LY96: variants seen among roughly 807,000 people sequenced by gnomAD.
LY96 encodes lymphocyte antigen 96.
A neutral mutation model predicts 18.9 loss-of-function variants in LY96; 18 were observed. The ratio of observed to expected loss-of-function variants is 0.95; its 90% confidence interval spans 0.66 to 1.41. LY96 has a LOEUF of 1.41. Ranked by LOEUF, LY96 falls within the 40% of genes most tolerant of loss-of-function variation. LY96 has a pLI of 0.00. For missense variants in LY96, 175 were observed against 182.4 expected, an observed-to-expected ratio of 0.96 and a Z score of 0.23; for synonymous variants, 66 against 62.6, an observed-to-expected ratio of 1.06 and a Z score of -0.26.
At chr8:74,096,030 A>G in the LY96 span, among the ~76,000 whole-genome samples, 2 of 152,184 alleles carry the variant, frequency 1.3e-5, no homozygotes, top group Non-Finnish European at 2.9e-5. Flanking sequence ...TGCCCGAGCC[A>G]ATTGCCTTGG....
the LY96 span, among the ~76,000 whole-genome samples, chr8:74,093,030 G>T: frequency 6.6e-6 from 1 of 152,118 alleles, no homozygotes; most frequent in African/African-American, 2.4e-5. Context: ...GCATTCAAAA[G>T]CTTTCCTGCC....
chr8:74,085,878 T>TTG, the LY96 span, among the ~76,000 whole-genome samples: 59 of 151,672 alleles, frequency 3.9e-4, no homozygotes, highest in East Asian at 3.9e-3. Flanking sequence ...TAGTTACCAT[T>TTG]TGTGTGTGTG....
At chr8:74,037,156 C>T in the LY96 span, among the ~76,000 whole-genome samples, 5 of 152,026 alleles carry the variant, frequency 3.3e-5, no homozygotes, top group African/African-American at 9.7e-5. Flanking sequence ...GGTTATTGGT[C>T]TGGTTTGTCA....
the LY96 span, among the ~76,000 whole-genome samples, chr8:74,089,556 C>T: frequency 4.6e-5 from 7 of 152,190 alleles, no homozygotes; most frequent in African/African-American, 1.7e-4. Context: ...GAAAGATACA[C>T]AGGGAAAGTG....
chr8:74,044,914 A>T, the LY96 span, among the ~76,000 whole-genome samples: 36 of 152,340 alleles, frequency 2.4e-4, no homozygotes, highest in South Asian at 5.4e-3. Context: ...CTTTACTTCG[A>T]AATGGAAAGT....
chr8:74,076,997 A>T, the LY96 span, among the ~76,000 whole-genome samples: 1 of 152,142 alleles, frequency 6.6e-6, no homozygotes, highest in East Asian at 1.9e-4. Flanking sequence ...TGAGTTTGAT[A>T]ATTTGCTACA....
chr8:74,018,535 A>G (rs1469682085), intron 3 of LY96, among the ~76,000 whole-genome samples: 1 of 152,228 alleles, frequency 6.6e-6, no homozygotes, highest in East Asian at 1.9e-4. Context: ...GTTAACAAGG[A>G]TATCCAGGAC....
chr8:74,044,466 G>A, the LY96 span, among the ~76,000 whole-genome samples: 1 of 152,094 alleles, frequency 6.6e-6, no homozygotes, highest in Non-Finnish European at 1.5e-5. Flanking sequence ...TGGGATTATA[G>A]CTGTGAGCCA....
In LY96 at chr8:73,996,373, CTTTCT is replaced by C. The variant is rs1393088025; in HGVS notation, c.112+4822_112+4826del. Reference sequence around the variant, plus strand: ...CCTTCCTTCCTTCCTTCCTTCATTCCTTTCTTTCTTTCTTTCTTTCTTTCTTTCTT... The same window carrying C: ...CCTTCCTTCCTTCCTTCCTTCATTCCTTCTTTCTTTCTTTCTTTCTTTCTT... On this transcript the variant is annotated intron_variant, in intron 1 of 4. Transcript: ENST00000284818. Among the ~76,000 whole-genome samples, 46 of 18,040 alleles carry C rather than the reference CTTTCT, an allele frequency of 2.5e-3. 1 individual carries two copies. Among genetic ancestry groups the C allele is most frequent in the Admixed American group, 8.9e-3 (13 of 1,458 alleles). The allele number at this position is 18,040 out of a possible 152,430, so 11.8% of individuals were successfully genotyped here. A position where few individuals can be genotyped will look rare whatever the true frequency, so the allele number is the denominator to read the frequency against.
chr8:74,020,396 A>G (rs1165751646), intron 3 of LY96, among the ~76,000 whole-genome samples: 1 of 152,246 alleles, frequency 6.6e-6, no homozygotes, highest in Admixed American at 6.5e-5. Context: ...AGAATTACAA[A>G]CCACTGCCCA....
At chr8:74,062,093 GC>G in the LY96 span, among the ~76,000 whole-genome samples, 1 of 152,060 alleles carries the variant, frequency 6.6e-6, no homozygotes, top group Non-Finnish European at 1.5e-5. Flanking sequence ...ATCTCATTTT[GC>G]TTTTAATTTG....
At chr8:74,051,245 G>A in the LY96 span, among the ~76,000 whole-genome samples, 1 of 152,116 alleles carries the variant, frequency 6.6e-6, no homozygotes, top group African/African-American at 2.4e-5. Context: ...GCCTGATCTG[G>A]ATATAACTGC....
the LY96 span, among the ~76,000 whole-genome samples, chr8:74,064,362 G>A: frequency 6.6e-6 from 1 of 152,188 alleles, no homozygotes; most frequent in African/African-American, 2.4e-5. Flanking sequence ...GGGCCTAGTG[G>A]GAGGTGTTCT....
the LY96 span, among the ~76,000 whole-genome samples, chr8:74,069,827 C>A: frequency 6.6e-6 from 1 of 152,146 alleles, no homozygotes; most frequent in African/African-American, 2.4e-5. Flanking sequence ...GTCTTGAACT[C>A]CTGACCTCAG....
At chr8:74,005,149 G>T (rs72661873) in intron 2 of LY96, among the ~76,000 whole-genome samples, 5,293 of 152,250 alleles carry the variant, frequency 0.035, 157 homozygotes, top group South Asian at 0.14. Context: ...CCCTTCTGAG[G>T]CTCAACTAGG....
At chr8:74,088,148 TAGA>T in the LY96 span, among the ~76,000 whole-genome samples, 283 of 144,724 alleles carry the variant, frequency 2.0e-3, no homozygotes, top group African/African-American at 6.7e-3. Flanking sequence ...TAGAATAGAA[TAGA>T]AAAGAATAGA....
the LY96 span, among the ~76,000 whole-genome samples, chr8:74,044,086 G>A: frequency 6.6e-6 from 1 of 151,936 alleles, no homozygotes; most frequent in African/African-American, 2.4e-5. Context: ...AAAGTTTAAA[G>A]CAATGGCCAG....
chr8:74,000,485 G>T (rs747942336), intron 1 of LY96, among the ~76,000 whole-genome samples: 1 of 151,728 alleles, frequency 6.6e-6, no homozygotes, highest in Admixed American at 6.6e-5. Flanking sequence ...TTAAGTAATC[G>T]CTAGGAATTT....
At chr8:74,055,361 A>G in the LY96 span, among the ~76,000 whole-genome samples, 1 of 152,072 alleles carries the variant, frequency 6.6e-6, no homozygotes, top group Non-Finnish European at 1.5e-5. Flanking sequence ...TTTGAAGCTC[A>G]CTAGTGCTAG....
Sources: allele counts gnomAD v4.1 joint callset (sites outside exome capture counted in the v4.1 genomes callset), GRCh38; gene constraint gnomAD v4.1.1; transcripts MANE v1.5; gene names NCBI Gene and HGNC (gene_info 2026-07-23, HGNC 2026-07-21).